Variants in ATP2B2 observed in about 807,000 individuals in gnomAD.
The protein encoded by ATP2B2 is ATPase plasma membrane Ca2+ transporting 2, also known as plasma membrane calcium-transporting ATPase 2.
A neutral mutation model predicts 120.0 loss-of-function variants in ATP2B2; 15 were observed. That is an observed-to-expected ratio of 0.12 (90% CI 0.08 to 0.19). The LOEUF is 0.19. ATP2B2 is among the 10% of genes least tolerant of loss of function. The pLI, the probability that ATP2B2 is intolerant of heterozygous loss-of-function variation, is 1.00. For synonymous variants in ATP2B2, 694 were observed against 700.3 expected (o/e 0.99, Z 0.14); for missense variants, 1,045 against 1,719.8 (o/e 0.61, Z 6.94).
intron 1 of ATP2B2, among the ~76,000 whole-genome samples, chr3:10,645,320 T>C (rs751359801): frequency 1.3e-5 from 2 of 152,206 alleles, no homozygotes; most frequent in Non-Finnish European, 2.9e-5. Flanking sequence ...ACTGGGGCTG[T>C]TGATGATATG....
rs185085792 is a variant in ATP2B2 at position 10,481,051 on chromosome 3, C to T, written c.-320+24414G>A. Among the ~76,000 whole-genome samples, 478 of 152,320 alleles carry T rather than the reference C, an allele frequency of 3.1e-3. 3 individuals carry two copies. The highest frequency in any genetic ancestry group is 0.011 in the African/African-American group (466 of 41,548). ...CCCTCTCTTTTTGTTCAGTTACACA[C>T]TGGTAGGAAGTCTGCCTGGGGCTAC... is the stretch of plus-strand genomic sequence containing the variant. On this transcript the variant is annotated intron_variant, in intron 1 of 22. Coordinates refer to ENST00000360273, the MANE Select transcript of ATP2B2 (RefSeq NM_001001331.4).
chr3:10,340,477 G>T lies in ATP2B2; in HGVS notation c.3129+16C>A. The T allele has an allele frequency of 1.9e-6, 3 of 1,614,222 alleles. No individual in the cohort carries two copies. Among genetic ancestry groups the T allele is most frequent in the Non-Finnish European group, 2.5e-6 (3 of 1,180,026 alleles). On this transcript the variant is annotated intron_variant, in intron 20 of 22. Coordinates refer to ENST00000360273, the MANE Select transcript of ATP2B2 (RefSeq NM_001001331.4). This position sits in a 1 kb window ranked among gnomAD's most constrained non-coding sequence, Gnocchi z 5.0. Reference sequence around the variant, plus strand: ...GCTGCCCACCCCGGGCCTGGTTAGGGTGGGGGCCTCACTACCTGGATGGCA... The same window carrying T: ...GCTGCCCACCCCGGGCCTGGTTAGGTTGGGGGCCTCACTACCTGGATGGCA...
chr3:10,666,108 C>T (rs766222490), intron 1 of ATP2B2, among the ~76,000 whole-genome samples: 108 of 152,318 alleles, frequency 7.1e-4, no homozygotes, highest in Non-Finnish European at 1.3e-3. Context: ...GCATGCAGCA[C>T]CCCTGGCTGC....
intron 1 of ATP2B2, among the ~76,000 whole-genome samples, chr3:10,473,590 C>A (rs901376487): frequency 6.6e-6 from 1 of 152,192 alleles, no homozygotes; most frequent in Non-Finnish European, 1.5e-5. Flanking sequence ...AAGATTGCAC[C>A]ACTGCACTCC....
chr3:10,643,833 T>C (rs1481791883), intron 1 of ATP2B2, among the ~76,000 whole-genome samples: 1 of 152,074 alleles, frequency 6.6e-6, no homozygotes, highest in Non-Finnish European at 1.5e-5. Context: ...AATGGGTCAA[T>C]TGACAAAGTT....
intron 1 of ATP2B2, among the ~76,000 whole-genome samples, chr3:10,501,598 T>C (rs7626147): frequency 0.16 from 24,712 of 152,108 alleles, 2,070 homozygotes; most frequent in East Asian, 0.25. Context: ...GGCTCCCAGC[T>C]GTCTGCTGAG....
intron 2 of ATP2B2, among the ~76,000 whole-genome samples, chr3:10,616,766 C>A (rs971599045): frequency 1.3e-5 from 2 of 152,042 alleles, no homozygotes; most frequent in African/African-American, 4.8e-5. Context: ...AAACAGTGAA[C>A]ATTCCACTAG....
chr3:10,653,578 A>T (rs540424561), intron 1 of ATP2B2, among the ~76,000 whole-genome samples: 1 of 152,288 alleles, frequency 6.6e-6, no homozygotes, highest in East Asian at 1.9e-4. Flanking sequence ...CTGGATGTAA[A>T]TATGTGCACC....
intron 1 of ATP2B2, among the ~76,000 whole-genome samples, chr3:10,450,678 A>AG (rs143908980): frequency 0.081 from 12,268 of 152,080 alleles, 1,695 homozygotes; most frequent in African/African-American, 0.28. Flanking sequence ...TGGCAGGGGG[A>AG]GGGGGGTCCC....
At chr3:10,386,013 G>C (rs975532875) in intron 7 of ATP2B2, among the ~76,000 whole-genome samples, 5 of 152,230 alleles carry the variant, frequency 3.3e-5, no homozygotes, top group African/African-American at 1.2e-4. Flanking sequence ...AATTAAAAGT[G>C]ATATGAGATG....
At chr3:10,580,945 A>G (rs775773315) in intron 2 of ATP2B2, among the ~76,000 whole-genome samples, 5 of 152,246 alleles carry the variant, frequency 3.3e-5, no homozygotes, top group Non-Finnish European at 5.9e-5. Flanking sequence ...GGCCTGAAAT[A>G]TGTAATCTGG....
At chr3:10,560,271 G>T (rs1295065423) in intron 2 of ATP2B2, among the ~76,000 whole-genome samples, 1 of 152,166 alleles carries the variant, frequency 6.6e-6, no homozygotes, top group Admixed American at 6.5e-5. Context: ...TCCACAGTAG[G>T]AATGTTCCAA....
intron 1 of ATP2B2, among the ~76,000 whole-genome samples, chr3:10,670,552 G>A (rs921446962): frequency 5.9e-5 from 9 of 151,982 alleles, no homozygotes; most frequent in African/African-American, 2.2e-4. Context: ...GGAGTAGCTG[G>A]GATTACAGGC....
At chr3:10,549,448 G>C (rs1227133606) in intron 2 of ATP2B2, among the ~76,000 whole-genome samples, 1 of 152,084 alleles carries the variant, frequency 6.6e-6, no homozygotes, top group African/African-American at 2.4e-5. Context: ...GTTCCTGGGA[G>C]AGCAAACAAG....
chr3:10,625,823 T>C (rs1378652636), intron 1 of ATP2B2, among the ~76,000 whole-genome samples: 1 of 152,212 alleles, frequency 6.6e-6, no homozygotes. Flanking sequence ...TATTGTATGT[T>C]TAACACCTCC....
chr3:10,332,116 C>A, intron 22 of ATP2B2: 1 of 1,318,096 alleles, frequency 7.6e-7, no homozygotes, highest in Non-Finnish European at 1.1e-6. Flanking sequence ...ATTTTCTCGC[C>A]AACCCAAGGT....
At chr3:10,587,791 C>T (rs971549493) in intron 2 of ATP2B2, among the ~76,000 whole-genome samples, 1 of 152,010 alleles carries the variant, frequency 6.6e-6, no homozygotes, top group Non-Finnish European at 1.5e-5. Flanking sequence ...CACTGTCATG[C>T]TCTTAGTGCG....
In ATP2B2 at chr3:10,326,681, G is replaced by A; in HGVS notation, c.*2133C>T. The stretch of plus-strand genomic sequence containing the variant: ...GGCTGGTCACCCCTTTGGTTATGCA[G>A]TTCCTCTCCTGGATACATTCAGAGA... On this transcript the variant is annotated 3_prime_UTR_variant, in exon 23 of 23. Coordinates refer to ENST00000360273, the MANE Select transcript of ATP2B2 (RefSeq NM_001001331.4). 1 of 399,088 alleles carries A rather than the reference G, an allele frequency of 2.5e-6. No homozygotes were observed. The highest frequency in any genetic ancestry group is 4.4e-6 in the Non-Finnish European group (1 of 226,070). The allele number at this position is 399,088 out of a possible 1,614,324, so 24.7% of individuals were successfully genotyped here.
At chr3:10,388,485 A>C in intron 5 of ATP2B2, 83 bp from the exon 6 acceptor site, 1 of 1,599,834 alleles carries the variant, frequency 6.3e-7, no homozygotes, top group Non-Finnish European at 8.6e-7. Flanking sequence ...GGTCTCAGTC[A>C]GCTCCTGGCT....
Sources: gnomAD v4.1 joint callset for allele counts (sites outside exome capture counted in the v4.1 genomes callset) on GRCh38, gnomAD v4.1.1 for gene constraint, Gnocchi (gnomAD v3.1) non-coding constraint, MANE v1.5 for transcripts, NCBI Gene and HGNC (gene_info 2026-07-23, HGNC 2026-07-21) for gene names.